The following RELN variants were observed in gnomAD, a reference collection of about 807,000 sequenced individuals.
RELN encodes the protein reelin.
RELN carries 108 observed loss-of-function variants against 427.6 expected under a neutral mutation model. The ratio of observed to expected loss-of-function variants is 0.25; its 90% CI spans 0.22 to 0.30. The LOEUF is 0.30. Ranked by LOEUF, RELN falls within the 10% of genes least tolerant of loss-of-function variation. The pLI is 1.00. For synonymous variants in RELN, 1,524 were observed against 1,513.4 expected (o/e 1.01, Z -0.16); for missense variants, 3,715 against 4,302.8 (o/e 0.86, Z 3.82).
chr7:103,530,783 C>T (rs1829921329), intron 46 of RELN, among the ~76,000 whole-genome samples: 1 of 152,202 alleles, frequency 6.6e-6, no homozygotes, highest in South Asian at 2.1e-4. Context: ...CCATCTCTTC[C>T]ATGAAACACT....
chr7:103,511,915 C>T (rs1289884328), intron 50 of RELN, among the ~76,000 whole-genome samples: 1 of 152,144 alleles, frequency 6.6e-6, no homozygotes, highest in Admixed American at 6.5e-5. Flanking sequence ...ATGATACTAT[C>T]ACCACAAGCA....
chr7:103,684,157 T>C (rs114504629), intron 10 of RELN, among the ~76,000 whole-genome samples: 1,578 of 152,106 alleles, frequency 0.01, 24 homozygotes, highest in African/African-American at 0.036. Flanking sequence ...TTCTAAGGAG[T>C]TGATAATCAT....
chr7:103,944,193 G>T (rs1317182415), intron 1 of RELN, among the ~76,000 whole-genome samples: 3 of 152,074 alleles, frequency 2.0e-5, no homozygotes, highest in Admixed American at 6.6e-5. Context: ...TATTAATAAA[G>T]AAATTAATTA....
chr7:103,761,178 A>G (rs1791289488), intron 4 of RELN, among the ~76,000 whole-genome samples: 2 of 152,208 alleles, frequency 1.3e-5, no homozygotes, highest in African/African-American at 4.8e-5. Flanking sequence ...TCTAATATAA[A>G]CGAAATAGGA....
intron 64 of RELN, among the ~76,000 whole-genome samples, chr7:103,477,229 G>A (rs1442927617): frequency 6.6e-6 from 1 of 152,130 alleles, no homozygotes; most frequent in Non-Finnish European, 1.5e-5. Context: ...AATAACTAGT[G>A]ACTCTGTGCT....
At chr7:103,722,098 A>G (rs1204966091) in intron 8 of RELN, among the ~76,000 whole-genome samples, 1 of 152,192 alleles carries the variant, frequency 6.6e-6, no homozygotes, top group African/African-American at 2.4e-5. Flanking sequence ...GTTGTAGGTA[A>G]TACTGTCAAC....
rs775962499 is a variant in RELN at position 103,561,683 on chromosome 7, T to C, written c.5378A>G (p.Tyr1793Cys). Residue 1793 changes from tyrosine (Y) to cysteine (C), a missense_variant, in exon 36 of 65, where the codon TAT becomes TGT. Physicochemically the swap from Tyr to Cys is radical, Grantham distance 194. Coordinates refer to ENST00000428762, the MANE Select transcript of RELN (RefSeq NM_005045.4). ...GGGCAGAGGAACAACAGGAACACAA[T>C]AGGGTCCACCAAAGCCCCGGTCACA... ...CVCDRGFGGP[Y>C]CVPVVPLPSI... The C allele has an allele frequency of 1.1e-5, 18 of 1,613,762 alleles. No individual in the cohort carries two copies. The highest frequency in any genetic ancestry group is 1.4e-5 in the Non-Finnish European group (17 of 1,179,924).
intron 1 of RELN, among the ~76,000 whole-genome samples, chr7:103,960,007 G>T (rs921322282): frequency 1.3e-5 from 2 of 152,044 alleles, no homozygotes; most frequent in Admixed American, 1.3e-4. Context: ...GCCTCCTAAC[G>T]GGTCTTTCTG....
intron 57 of RELN, among the ~76,000 whole-genome samples, chr7:103,494,406 G>T (rs1259623741): frequency 1.7e-5 from 2 of 114,834 alleles, no homozygotes; most frequent in Non-Finnish European, 3.6e-5. Context: ...ATATGGTCTT[G>T]TTCTGTTGCC....
At chr7:103,837,688 G>A (rs1047480624) in intron 2 of RELN, among the ~76,000 whole-genome samples, 2 of 151,912 alleles carry the variant, frequency 1.3e-5, no homozygotes, top group African/African-American at 4.8e-5. Flanking sequence ...CTGCCCACTC[G>A]CTGCCCACTC....
intron 63 of RELN, among the ~76,000 whole-genome samples, chr7:103,480,335 ACT>A (rs577355170): frequency 9.9e-4 from 151 of 152,166 alleles, no homozygotes; most frequent in African/African-American, 3.4e-3. Flanking sequence ...ATTGAAGGAC[ACT>A]CTGGAAAACT....
chr7:103,573,151 A>T lies in RELN; in HGVS notation c.4512-891T>A, dbSNP rs1830921731. 6.6e-6 allele frequency among the ~76,000 whole-genome samples: 1 copy of T among 152,186 alleles called. No homozygotes were observed. The highest frequency in any genetic ancestry group is 2.1e-4 in the South Asian group (1 of 4,832). On this transcript the variant is annotated intron_variant, in intron 30 of 64. Coordinates refer to ENST00000428762, the MANE Select transcript of RELN (RefSeq NM_005045.4). This position sits in a 1 kb window ranked among gnomAD's most constrained non-coding sequence, Gnocchi z 4.4. ...ACAGGGTTTTGCCATGTTGGCCAGG[A>T]GCTGGTCTTGAATTCCTGACCTCAA...
At chr7:103,860,972 TAAC>T (rs1445830364) in intron 2 of RELN, among the ~76,000 whole-genome samples, 2 of 151,934 alleles carry the variant, frequency 1.3e-5, no homozygotes, top group South Asian at 2.1e-4. Context: ...ATAACAAAAA[TAAC>T]AACAAAAATC....
chr7:103,728,581 G>A (rs1790272379), intron 6 of RELN, among the ~76,000 whole-genome samples: 1 of 152,056 alleles, frequency 6.6e-6, no homozygotes, highest in Non-Finnish European at 1.5e-5. Context: ...TTTAATGAAA[G>A]ATGATATTAT....
chr7:103,665,680 T>G (rs975987030), intron 11 of RELN, among the ~76,000 whole-genome samples: 1 of 152,164 alleles, frequency 6.6e-6, no homozygotes, highest in Non-Finnish European at 1.5e-5. Context: ...CTGCAGTGTA[T>G]GTAGGTATAG....
intron 25 of RELN, among the ~76,000 whole-genome samples, chr7:103,595,502 T>G (rs1482498277): frequency 6.6e-6 from 1 of 152,188 alleles, no homozygotes; most frequent in Admixed American, 6.5e-5. Flanking sequence ...CCTAATACTT[T>G]AAAAAGTCAA....
intron 11 of RELN, among the ~76,000 whole-genome samples, chr7:103,673,019 AGTTT>A (rs1833428161): frequency 6.6e-6 from 1 of 152,008 alleles, no homozygotes; most frequent in Non-Finnish European, 1.5e-5. Context: ...TGGTTATGTT[AGTTT>A]AAGTCTCTCA....
intron 6 of RELN, among the ~76,000 whole-genome samples, chr7:103,741,475 A>C (rs1790653292): frequency 6.6e-6 from 1 of 152,040 alleles, no homozygotes; most frequent in South Asian, 2.1e-4. Context: ...AGATTATTTT[A>C]ATAATAATAA....
intron 12 of RELN, among the ~76,000 whole-genome samples, chr7:103,656,191 T>C (rs947390133): frequency 6.6e-6 from 1 of 152,102 alleles, no homozygotes; most frequent in Non-Finnish European, 1.5e-5. Context: ...TGACCTAAAT[T>C]AATAATTTAA....
Sources: allele counts gnomAD v4.1 joint callset (sites outside exome capture counted in the v4.1 genomes callset), GRCh38; gene constraint gnomAD v4.1.1; non-coding constraint Gnocchi (gnomAD v3.1); transcripts MANE v1.5; gene names NCBI Gene and HGNC (gene_info 2026-07-23, HGNC 2026-07-21).